The following WDPCP variants were observed in gnomAD, a reference collection of about 807,000 sequenced individuals.
The protein encoded by WDPCP is WD repeat containing planar cell polarity effector.
WDPCP carries 71 observed loss-of-function variants against 93.1 expected under a neutral mutation model. That is an observed-to-expected ratio of 0.76 (90% confidence interval 0.63 to 0.93). The LOEUF (loss-of-function observed/expected upper bound fraction) is 0.93, where lower values mean the gene tolerates loss of function less well. Ranked by LOEUF, WDPCP falls within the 40% of genes least tolerant of loss-of-function variation. WDPCP has a pLI of 0.00. For synonymous variants in WDPCP, 315 were observed against 315.0 expected, an observed-to-expected ratio of 1.00 and a Z score of 0.00; for missense variants, 844 against 887.4, an observed-to-expected ratio of 0.95 and a Z score of 0.62.
At chr2:63,195,583 C>G (rs1483727684) in intron 14 of WDPCP, among the ~76,000 whole-genome samples, 1 of 151,928 alleles carries the variant, frequency 6.6e-6, no homozygotes, top group Non-Finnish European at 1.5e-5. Flanking sequence ...CTCAGCCTCC[C>G]AAAGGGTTAT....
In WDPCP at chr2:63,404,531, T is replaced by C. The variant is rs747114578; in HGVS notation, c.952A>G (p.Ile318Val). The stretch of plus-strand genomic sequence containing the variant: ...ATTTTATTCCGAATGCATTCATAGA[T>C]GCAGCTGTCAGCCATGGGCTCTTTG... ...VDKEPMADSC[I>V]YECIRNKIQC... is the part of the protein sequence containing the mutation. Residue 318 changes from isoleucine (I) to valine (V), a missense_variant, in exon 10 of 18, where the codon ATC (isoleucine) becomes GTC (valine). Physicochemically the swap from Ile to Val is conservative, Grantham distance 29. Transcript: ENST00000272321. 2.5e-6 allele frequency: 4 copies of C among 1,613,564 alleles called. No homozygotes were observed. Among genetic ancestry groups the C allele is most frequent in the Non-Finnish European group, 3.4e-6 (4 of 1,179,684 alleles).
At chr2:63,499,513 T>C (rs1371642653) in intron 1 of WDPCP, among the ~76,000 whole-genome samples, 1 of 152,106 alleles carries the variant, frequency 6.6e-6, no homozygotes, top group Non-Finnish European at 1.5e-5. Context: ...GGGTAAAATA[T>C]TGGAGGAGTG....
intron 17 of WDPCP, among the ~76,000 whole-genome samples, chr2:63,125,916 T>C (rs1669869291): frequency 6.8e-6 from 1 of 146,348 alleles, no homozygotes; most frequent in African/African-American, 2.5e-5. Flanking sequence ...AGGCTGCTTT[T>C]CAGTTTTTTT....
At chr2:63,629,233 G>A (rs147771719) in intron 3 of WDPCP, among the ~76,000 whole-genome samples, 2 of 152,224 alleles carry the variant, frequency 1.3e-5, no homozygotes, top group African/African-American at 4.8e-5. Context: ...AAAACTTCTA[G>A]GCAATAATTG....
chr2:63,166,049 T>G (rs1279209620), intron 15 of WDPCP, among the ~76,000 whole-genome samples: 1 of 151,922 alleles, frequency 6.6e-6, no homozygotes, highest in Admixed American at 6.6e-5. Context: ...TTTGTAAATT[T>G]CTTTTTTTTA....
intron 1 of WDPCP, among the ~76,000 whole-genome samples, chr2:63,517,269 G>C (rs558423805): frequency 2.6e-5 from 4 of 151,700 alleles, no homozygotes; most frequent in Non-Finnish European, 5.9e-5. Context: ...TTAATAAAAA[G>C]TATATTTTAA....
intron 13 of WDPCP, among the ~76,000 whole-genome samples, chr2:63,265,640 G>A (rs181185941): frequency 3.5e-4 from 53 of 152,212 alleles, no homozygotes; most frequent in South Asian, 8.3e-4. Flanking sequence ...AACTGAAGAG[G>A]ACGTACTTCC....
At chr2:63,830,504 G>T (rs1671176415), upstream of WDPCP, among the ~76,000 whole-genome samples, 1 of 152,110 alleles carries the variant, frequency 6.6e-6, no homozygotes, top group South Asian at 2.1e-4. Flanking sequence ...GAACTATAAA[G>T]ATATTGCTGT....
At position 63,798,183 on chromosome 2, in the gene WDPCP, T is replaced by C. The variant is rs557338098; in HGVS notation, n.308+15439A>G. On this transcript the variant is annotated intron_variant and non_coding_transcript_variant, in intron 2 of 4. Transcript: ENST00000467687. Reference sequence around the variant, plus strand: ...CCCTGTCCTACAAGAAATGCTAAACTTCACTTAGAAAGAAAACAATGTCAA... The same window carrying C: ...CCCTGTCCTACAAGAAATGCTAAACCTCACTTAGAAAGAAAACAATGTCAA... Among the ~76,000 whole-genome samples the C allele has an allele frequency of 3.3e-5, 5 of 152,248 alleles. No homozygotes were observed. The East Asian group carries it at 9.7e-4, about 29-fold the overall frequency.
chr2:63,436,488 G>T (rs746065259), intron 8 of WDPCP, among the ~76,000 whole-genome samples: 23 of 152,006 alleles, frequency 1.5e-4, no homozygotes, highest in Non-Finnish European at 1.6e-4. Flanking sequence ...AGGGCAAAAG[G>T]TTAGGTTAAA....
At chr2:63,205,490 C>T (rs2104368051) in intron 14 of WDPCP, among the ~76,000 whole-genome samples, 1 of 152,200 alleles carries the variant, frequency 6.6e-6, no homozygotes, top group African/African-American at 2.4e-5. Flanking sequence ...TTGGTGTTCT[C>T]TTCAATTTCT....
chr2:63,301,118 A>G (rs1559298928), intron 13 of WDPCP, among the ~76,000 whole-genome samples: 1 of 152,240 alleles, frequency 6.6e-6, no homozygotes, highest in Non-Finnish European at 1.5e-5. Flanking sequence ...TCCATGAGGC[A>G]CATTGTTGGT....
chr2:63,652,586 C>G (rs1014631417), intron 2 of WDPCP, among the ~76,000 whole-genome samples: 1 of 152,204 alleles, frequency 6.6e-6, no homozygotes, highest in Non-Finnish European at 1.5e-5. Context: ...AGCACTGGAG[C>G]TTCATTTTCT....
At chr2:63,575,297 GTA>G (rs903149922) in intron 1 of WDPCP, among the ~76,000 whole-genome samples, 9 of 144,538 alleles carry the variant, frequency 6.2e-5, no homozygotes, top group Admixed American at 1.4e-4. Context: ...TATATAGTAT[GTA>G]TATATATAGT....
chr2:63,637,082 G>A lies in WDPCP; in HGVS notation n.488+13577C>T, dbSNP rs555868978. On this transcript the variant is annotated intron_variant and non_coding_transcript_variant, in intron 3 of 4. Coordinates refer to the WDPCP transcript ENST00000467687. ...ACAAACAAGAGTGGCGGCTGGGCGCGGTAGCTCATGCCTGTAATCCCAGAA... is the reference window on the plus strand; with the variant it reads ...ACAAACAAGAGTGGCGGCTGGGCGCAGTAGCTCATGCCTGTAATCCCAGAA... 1.1e-4 allele frequency among the ~76,000 whole-genome samples: 17 copies of A among 152,220 alleles called. No homozygotes were observed. The South Asian group carries it at 1.9e-3, about 17-fold the overall frequency.
At chr2:63,321,529 A>G (rs534815283) in intron 12 of WDPCP, among the ~76,000 whole-genome samples, 1 of 152,096 alleles carries the variant, frequency 6.6e-6, no homozygotes, top group South Asian at 2.1e-4. Flanking sequence ...CAAATTAACT[A>G]CTGGTTTGCT....
intron 2 of WDPCP, among the ~76,000 whole-genome samples, chr2:63,699,581 T>C (rs1318907254): frequency 1.3e-5 from 2 of 151,972 alleles, no homozygotes; most frequent in Admixed American, 6.6e-5. Context: ...CAGGGAGATA[T>C]GTTAAGGGAG....
chr2:63,467,505 G>C (rs770820829), intron 6 of WDPCP, among the ~76,000 whole-genome samples: 8 of 151,686 alleles, frequency 5.3e-5, no homozygotes, highest in Admixed American at 4.6e-4. Context: ...AATGCCAGGC[G>C]TGGTGGCTCA....
At chr2:63,690,355 G>C (rs920376371) in intron 2 of WDPCP, among the ~76,000 whole-genome samples, 4 of 152,192 alleles carry the variant, frequency 2.6e-5, no homozygotes, top group African/African-American at 9.7e-5. Flanking sequence ...TGTAGAGCTA[G>C]ATATTTAATC....
Sources: allele counts gnomAD v4.1 joint callset (sites outside exome capture counted in the v4.1 genomes callset), GRCh38; gene constraint gnomAD v4.1.1; transcripts MANE v1.5; gene names NCBI Gene and HGNC (gene_info 2026-07-23, HGNC 2026-07-21).